Variants in RUNX3 observed in about 807,000 individuals in gnomAD.
RUNX3 encodes the protein RUNX family transcription factor 3.
A neutral mutation model predicts 27.7 loss-of-function variants in RUNX3; 10 were observed. The ratio of observed to expected loss-of-function variants is 0.36; its 90% CI spans 0.22 to 0.61. RUNX3 has a LOEUF of 0.61. RUNX3 is among the 20% of genes least tolerant of loss of function. The pLI is 0.72. For missense variants in RUNX3, 469 were observed against 629.5 expected, an observed-to-expected ratio of 0.75 and a Z score of 2.73; for synonymous variants, 270 against 269.2, an observed-to-expected ratio of 1.00 and a Z score of -0.03.
At chr1:24,963,699 C>T (rs1557867162) in intron 2 of RUNX3, among the ~76,000 whole-genome samples, 1 of 152,186 alleles carries the variant, frequency 6.6e-6, no homozygotes, top group Non-Finnish European at 1.5e-5. Context: ...AGGAGGAAGG[C>T]AGCAGGGGGT....
intron 3 of RUNX3, among the ~76,000 whole-genome samples, chr1:24,911,594 C>T (rs1640797226): frequency 6.6e-6 from 1 of 152,216 alleles, no homozygotes; most frequent in Non-Finnish European, 1.5e-5. Context: ...CTGCTCATGC[C>T]CAAAGGAAGC....
chr1:24,953,030 C>T (rs990791746), intron 2 of RUNX3, among the ~76,000 whole-genome samples: 10 of 151,800 alleles, frequency 6.6e-5, no homozygotes, highest in South Asian at 2.1e-4. Flanking sequence ...TAAAGCAGTA[C>T]GTGCTTGTTA....
rs1640525339 is a variant in RUNX3, at chr1:24,900,865, G to A, written c.*1257C>T. The A allele has an allele frequency of 6.6e-6, 1 of 152,158 alleles. No individual in the cohort carries two copies. 9.4% of individuals were successfully genotyped at this position (152,158 alleles called of 1,614,324 possible). ...CCTAATAACCCCACACCCTCAGGAG[G>A]CAGCTGGGGGTCCGCGGGGGGGAGA... is the stretch of plus-strand genomic sequence containing the variant. On this transcript the variant is annotated 3_prime_UTR_variant, in exon 5 of 5. Coordinates refer to ENST00000308873, the MANE Select transcript of RUNX3 (RefSeq NM_004350.3).
chr1:24,920,418 G>A (rs906885370), intron 2 of RUNX3, among the ~76,000 whole-genome samples: 2 of 152,094 alleles, frequency 1.3e-5, no homozygotes, highest in African/African-American at 2.4e-5. Context: ...CGTCACCCTC[G>A]CGTGTGAGGC....
intron 1 of RUNX3, chr1:24,929,028 A>G (rs1024304393): frequency 8.8e-6 from 4 of 456,996 alleles, no homozygotes; most frequent in East Asian, 6.9e-5. Flanking sequence ...GGGTCCCCCA[A>G]TCTCAACTCG....
At position 24,907,348 on chromosome 1, in the gene RUNX3, C is replaced by T. The variant is rs776915439; in HGVS notation, c.614G>A (p.Arg205His). The T allele has an allele frequency of 8.7e-6, 14 of 1,613,662 alleles. No homozygotes were observed. Among genetic ancestry groups the T allele is most frequent in the Admixed American group, 1.7e-5 (1 of 60,002 alleles). ...PDRFGDLERL[R>H]MRVTPSTPSP... is the part of the protein sequence containing the mutation. ...GGGTGTGCTCGGTGTCACCCGCATG[C>T]GCAGCCGTTCCAGGTCCCCAAAGCG... is the stretch of plus-strand genomic sequence containing the variant. Residue 205 changes from arginine to histidine, a missense_variant, in exon 4 of 5, where the codon CGC (arginine) becomes CAC (histidine). Transcript: ENST00000308873.
rs147531823 is a variant in RUNX3, at chr1:24,915,146, G to A, written c.544+4094C>T. On this transcript the variant is annotated intron_variant, in intron 3 of 4. Coordinates refer to ENST00000308873, the MANE Select transcript of RUNX3 (RefSeq NM_004350.3). ...TGTAGAGCATAAACAACAGGGGGCC[G>A]GGTGCGGTGGCTCACGCCTGTAGTC... Among the ~76,000 whole-genome samples the A allele has an allele frequency of 1.4e-4, 21 of 152,308 alleles. No individual in the cohort carries two copies. The Middle Eastern group carries it at 0.014, about 99-fold the overall frequency.
intron 2 of RUNX3, among the ~76,000 whole-genome samples, chr1:24,958,332 T>G (rs924806870): frequency 7.2e-5 from 11 of 152,246 alleles, no homozygotes; most frequent in Admixed American, 7.2e-4. Context: ...CTAAACTGTG[T>G]GCAAGGCGGA....
intron 2 of RUNX3, among the ~76,000 whole-genome samples, chr1:24,949,118 A>G (rs1234119752): frequency 6.6e-6 from 1 of 152,008 alleles, no homozygotes; most frequent in Non-Finnish European, 1.5e-5. Context: ...AATCACATTC[A>G]TTCCCACATA....
In RUNX3 at chr1:24,950,948, C is replaced by T. The variant is rs184571018; in HGVS notation, c.58+13566G>A. On this transcript the variant is annotated intron_variant, in intron 2 of 6. Transcript: ENST00000338888. ...ATAGGCCGGGCGTGGTGGCTCACGCCTGTAATCCTAGCACCTTGGGAGGCT... is the reference window on the plus strand; with the variant it reads ...ATAGGCCGGGCGTGGTGGCTCACGCTTGTAATCCTAGCACCTTGGGAGGCT... Among the ~76,000 whole-genome samples, 4 of 152,254 alleles carry T rather than the reference C, an allele frequency of 2.6e-5. No homozygotes were observed. In the East Asian group the frequency reaches 7.7e-4, roughly 29 times the overall value.
intron 2 of RUNX3, among the ~76,000 whole-genome samples, chr1:24,924,072 A>T (rs1641050992): frequency 6.6e-6 from 1 of 152,168 alleles, no homozygotes; most frequent in Non-Finnish European, 1.5e-5. Context: ...AAACTTGCTT[A>T]TAAAAGTTCT....
chr1:24,948,728 T>C (rs1458119893), intron 2 of RUNX3, among the ~76,000 whole-genome samples: 1 of 76,288 alleles, frequency 1.3e-5, no homozygotes, highest in Non-Finnish European at 2.6e-5. Flanking sequence ...AGGGGTGCAT[T>C]GGGGGTGCAT....
chr1:24,957,762 T>C (rs1461966769), intron 2 of RUNX3, among the ~76,000 whole-genome samples: 1 of 152,170 alleles, frequency 6.6e-6, no homozygotes, highest in South Asian at 2.1e-4. Context: ...CTACCCAACA[T>C]GCCTTGAGGG....
chr1:24,947,426 C>T (rs552849635), intron 2 of RUNX3, among the ~76,000 whole-genome samples: 92 of 152,254 alleles, frequency 6.0e-4, no homozygotes, highest in African/African-American at 2.0e-3. Context: ...AGGCCTGTGG[C>T]GGCTCTGAGC....
intron 3 of RUNX3, 115 bp from the exon 4 acceptor site, chr1:24,907,532 G>T: frequency 9.3e-7 from 1 of 1,073,892 alleles, no homozygotes; most frequent in Non-Finnish European, 1.3e-6. Context: ...CCTCTGCTGG[G>T]AGAACCCTGA....
chr1:24,931,170 A>G (rs1371671252), upstream of RUNX3, among the ~76,000 whole-genome samples: 5 of 152,242 alleles, frequency 3.3e-5, no homozygotes, highest in African/African-American at 1.2e-4. Flanking sequence ...GTGGCTGCAA[A>G]GCTAAGGGCC....
chr1:24,920,045 T>G (rs541209082), intron 2 of RUNX3, among the ~76,000 whole-genome samples: 5 of 152,270 alleles, frequency 3.3e-5, no homozygotes, highest in Non-Finnish European at 7.4e-5. Context: ...GTTGCTAATT[T>G]CTTATTGATG....
intron 2 of RUNX3, chr1:24,961,749 G>A (rs1248555363): frequency 6.6e-6 from 1 of 152,240 alleles, no homozygotes; most frequent in Admixed American, 6.5e-5. Context: ...TGGGAATCCA[G>A]TGTTTAAAAC....
chr1:24,916,906 T>C lies in RUNX3; in HGVS notation c.544+2334A>G, dbSNP rs1030274316. Among the ~76,000 whole-genome samples the C allele has an allele frequency of 3.8e-4, 58 of 152,306 alleles. No homozygotes were observed. The highest frequency in any genetic ancestry group is 1.4e-3 in the African/African-American group (57 of 41,568). On this transcript the variant is annotated intron_variant, in intron 3 of 4. Transcript: ENST00000308873. The surrounding 1 kb of genome is among the most constrained non-coding windows in gnomAD (Gnocchi z 4.8). Reference sequence around the variant, plus strand: ...GTCCCTCCCTCTTGTTGCCTCGTCCTGAGCCACGCATTTACCTTCCAGCTC... The same window carrying C: ...GTCCCTCCCTCTTGTTGCCTCGTCCCGAGCCACGCATTTACCTTCCAGCTC...
Sources: allele counts gnomAD v4.1 joint callset (sites outside exome capture counted in the v4.1 genomes callset), GRCh38; gene constraint gnomAD v4.1.1; non-coding constraint Gnocchi (gnomAD v3.1); transcripts MANE v1.5; gene names NCBI Gene and HGNC (gene_info 2026-07-23, HGNC 2026-07-21).